Variants in AMPD3 observed in about 807,000 individuals in gnomAD.
AMPD3 encodes adenosine monophosphate deaminase 3, also known as AMP deaminase 3.
Under a neutral mutation model 82.3 loss-of-function variants are expected in AMPD3, and 57 were observed. The ratio of observed to expected loss-of-function variants is 0.69; its 90% CI spans 0.56 to 0.86. AMPD3 has a LOEUF of 0.86. Ranked by LOEUF, AMPD3 falls within the 40% of genes least tolerant of loss-of-function variation. The pLI is 0.00. For synonymous variants in AMPD3, 381 were observed against 394.7 expected (o/e 0.97, Z 0.41); for missense variants, 870 against 1,003.8 (o/e 0.87, Z 1.80).
At position 10,506,411 on chromosome 11, in the gene AMPD3, C is replaced by T. The variant is rs192141166; in HGVS notation, c.*527C>T. The T allele has an allele frequency of 1.1e-5, 2 of 174,194 alleles. No homozygotes were observed. Among genetic ancestry groups the T allele is most frequent in the African/African-American group, 2.4e-5 (1 of 41,768 alleles). 10.8% of individuals were successfully genotyped at this position (174,194 alleles called of 1,614,324 possible). The stretch of plus-strand genomic sequence containing the variant: ...TGTGTTTTTAGTGAATTTCTTAAAC[C>T]GTTTTATTTAGCCCTCCTTCCCTCT... On this transcript the variant is annotated 3_prime_UTR_variant, in exon 15 of 15. Coordinates refer to ENST00000396553, the MANE Select transcript of AMPD3 (RefSeq NM_001025389.2). This position sits in a 1 kb window ranked among gnomAD's most constrained non-coding sequence, Gnocchi z 4.1.
intron 12 of AMPD3, chr11:10,502,156 G>A (rs1849598475): frequency 1.0e-6 from 1 of 985,298 alleles, no homozygotes; most frequent in African/African-American, 1.7e-5. Context: ...TTGGCACGAT[G>A]TTTGATCAAA....
intron 7 of AMPD3, 191 bp downstream of exon 7, chr11:10,493,734 G>T (rs779768935): frequency 4.7e-5 from 34 of 720,248 alleles, no homozygotes; most frequent in South Asian, 1.6e-4. Context: ...GGGAAAGAGG[G>T]TGTGTGGCTT....
At chr11:10,486,535 G>A (rs1449458556) in intron 5 of AMPD3, 8 of 983,636 alleles carry the variant, frequency 8.1e-6, no homozygotes, top group Middle Eastern at 5.2e-4. Context: ...GAGTTGGTGG[G>A]AATCTGGGGG....
rs1848094227 is a variant in AMPD3 at position 10,456,379 on chromosome 11, G to A, written c.-6+931G>A. ...TGCATCACTTGAGTGGCATCTTCAG[G>A]ACCAGTCATGGAGCCAGGCTCAGGT... is the stretch of plus-strand genomic sequence containing the variant. On this transcript the variant is annotated intron_variant, in intron 1 of 14. Transcript: ENST00000396553. The surrounding 1 kb of genome is among the most constrained non-coding windows in gnomAD (Gnocchi z 4.3). 6.2e-7 allele frequency: 1 copy of A among 1,613,784 alleles called. No homozygotes were observed.
At chr11:10,500,890 C>T in intron 11 of AMPD3, 6 of 985,428 alleles carry the variant, frequency 6.1e-6, no homozygotes, top group Non-Finnish European at 7.2e-6. Flanking sequence ...ATCCCACTTT[C>T]CCCTGCTGGG....
intron 5 of AMPD3, chr11:10,486,541 G>C (rs534975560): frequency 4.1e-6 from 4 of 984,028 alleles, no homozygotes; most frequent in South Asian, 4.7e-5. Context: ...GTGGGAATCT[G>C]GGGGCATCAG....
intron 14 of AMPD3, 52 bp downstream of exon 14, chr11:10,504,711 G>A: frequency 2.6e-6 from 4 of 1,532,430 alleles, no homozygotes; most frequent in Non-Finnish European, 3.6e-6. Flanking sequence ...GCTGCCTGCT[G>A]TGTGCCAGGA....
chr11:10,463,141 G>A lies in AMPD3; in HGVS notation c.221+1401G>A, dbSNP rs994486365. ...CATGGTAGACCTTTGAGCCCTCTCC[G>A]ACCTAGTCTGTGATCACACTAGATA... On this transcript the variant is annotated intron_variant, in intron 2 of 14. Transcript: ENST00000396553. 3.9e-5 allele frequency among the ~76,000 whole-genome samples: 6 copies of A among 152,106 alleles called. No homozygotes were observed. In the East Asian group the frequency reaches 7.7e-4, roughly 20 times the overall value.
At chr11:10,452,497 G>A (rs557483166), upstream of AMPD3, among the ~76,000 whole-genome samples, 2 of 152,258 alleles carry the variant, frequency 1.3e-5, no homozygotes, top group East Asian at 3.9e-4. Context: ...TCACCGAGAA[G>A]TACCATTCAT....
At chr11:10,495,330 G>T (rs1029636303) in intron 8 of AMPD3, 1 of 985,478 alleles carries the variant, frequency 1.0e-6, no homozygotes, top group African/African-American at 1.7e-5. Flanking sequence ...TGAGCTCCGT[G>T]TGGAGATGCT....
intron 2 of AMPD3, among the ~76,000 whole-genome samples, chr11:10,466,446 C>G (rs976123744): frequency 1.3e-5 from 2 of 152,084 alleles, no homozygotes; most frequent in Admixed American, 6.5e-5. Context: ...TAGGTGGAAC[C>G]CACCGCAGCT....
At chr11:10,473,317 CTTAAG>C (rs1247121783) in intron 2 of AMPD3, 3 of 881,518 alleles carry the variant, frequency 3.4e-6, no homozygotes, top group Non-Finnish European at 4.1e-6. Context: ...GATTGTAACA[CTTAAG>C]TTAACAGATA....
chr11:10,505,164 C>G, intron 14 of AMPD3: 1 of 985,326 alleles, frequency 1.0e-6, no homozygotes, highest in Non-Finnish European at 1.2e-6. Flanking sequence ...TTTAAAAAGC[C>G]TGATGAGGAG....
intron 11 of AMPD3, 127 bp downstream of exon 11, chr11:10,500,376 A>G (rs1424075579): frequency 1.5e-6 from 2 of 1,298,576 alleles, no homozygotes; most frequent in Non-Finnish European, 2.2e-6. Flanking sequence ...ATGCATGTCC[A>G]TGTGCCCACA....
In AMPD3 at chr11:10,506,143, A is replaced by C. The variant is rs1004147381; in HGVS notation, c.*259A>C. 13 of 499,836 alleles carry C rather than the reference A, an allele frequency of 2.6e-5. No homozygotes were observed. Among genetic ancestry groups the C allele is most frequent in the African/African-American group, 2.1e-4 (11 of 51,672 alleles). The allele number at this position is 499,836 out of a possible 1,614,324, so 31.0% of individuals were successfully genotyped here. The stretch of plus-strand genomic sequence containing the variant: ...TGTCTATACTTGTTCCTAATTTTCC[A>C]AGTATTTCTCTTGAAACTGCCAGTG... On this transcript the variant is annotated 3_prime_UTR_variant, in exon 15 of 15. Coordinates refer to ENST00000396553, the MANE Select transcript of AMPD3 (RefSeq NM_001025389.2). This position sits in a 1 kb window ranked among gnomAD's most constrained non-coding sequence, Gnocchi z 4.1.
In AMPD3 at chr11:10,496,801, C is replaced by G; in HGVS notation, c.1431-11C>G. The G allele has an allele frequency of 3.7e-6, 6 of 1,614,164 alleles. No homozygotes were observed. Among genetic ancestry groups the G allele is most frequent in the Non-Finnish European group, 5.1e-6 (6 of 1,180,016 alleles). ...GATCCACCTGACAAGCGAGTCTTTGCTGTCCCCCAGTGACATATTTAGGTC... is the reference window on the plus strand; with the variant it reads ...GATCCACCTGACAAGCGAGTCTTTGGTGTCCCCCAGTGACATATTTAGGTC... On this transcript the variant is annotated splice_polypyrimidine_tract_variant and intron_variant, in intron 9 of 14. Transcript: ENST00000396553.
At position 10,502,709 on chromosome 11, in the gene AMPD3, G is replaced by C. The variant is rs1176996109; in HGVS notation, c.1843-12G>C. ...TGGCACTTGTCACATGAGTTCGGTG[G>C]TTCTTTTGCAGAGTCCGGTATTGCA... On this transcript the variant is annotated splice_polypyrimidine_tract_variant and intron_variant, in intron 12 of 14. Coordinates refer to ENST00000396553, the MANE Select transcript of AMPD3 (RefSeq NM_001025389.2). 6.2e-7 allele frequency: 1 copy of C among 1,613,944 alleles called. No individual in the cohort carries two copies. Among genetic ancestry groups the C allele is most frequent in the Non-Finnish European group, 8.5e-7 (1 of 1,179,974 alleles).
At chr11:10,493,677 G>A in intron 7 of AMPD3, 134 bp downstream of exon 7, 1 of 1,007,878 alleles carries the variant, frequency 9.9e-7, no homozygotes, top group Non-Finnish European at 1.5e-6. Flanking sequence ...CTGACTGAGA[G>A]GTCATGCGGC....
intron 8 of AMPD3, 92 bp from the exon 9 acceptor site, chr11:10,495,478 G>A: frequency 1.2e-6 from 2 of 1,604,172 alleles, no homozygotes; most frequent in South Asian, 2.2e-5. Context: ...AAGGTGGCTG[G>A]GGGAGCAACA....
Sources: gnomAD v4.1 joint callset for allele counts (sites outside exome capture counted in the v4.1 genomes callset) on GRCh38, gnomAD v4.1.1 for gene constraint, Gnocchi (gnomAD v3.1) non-coding constraint, MANE v1.5 for transcripts, NCBI Gene and HGNC (gene_info 2026-07-23, HGNC 2026-07-21) for gene names.